Variants in RAPGEF1 observed in about 807,000 individuals in gnomAD.
RAPGEF1 encodes Rap guanine nucleotide exchange factor 1.
RAPGEF1 carries 33 observed loss-of-function variants against 143.3 expected under a neutral mutation model. That is an observed-to-expected ratio of 0.23 (90% confidence interval 0.17 to 0.31). The LOEUF is 0.31. RAPGEF1 is among the 10% of genes least tolerant of loss of function. The probability of loss-of-function intolerance (pLI) is 1.00; values close to 1 mark genes in which losing one functional copy is unlikely to be tolerated. For missense variants in RAPGEF1, 1,199 were observed against 1,645.4 expected (o/e 0.73, Z 4.69); for synonymous variants, 629 against 676.5 (o/e 0.93, Z 1.09).
intron 15 of RAPGEF1, 84 bp from the exon 16 acceptor site, chr9:131,598,394 C>A: frequency 8.7e-7 from 1 of 1,148,020 alleles, no homozygotes; most frequent in South Asian, 1.3e-5. Flanking sequence ...CCGGTGTGCA[C>A]GGCTCGAAAC....
chr9:131,739,727 G>A (rs1837633451), intron 1 of RAPGEF1, 43 bp downstream of exon 1: 3 of 1,089,168 alleles, frequency 2.8e-6, no homozygotes, highest in Non-Finnish European at 3.4e-6. Flanking sequence ...GAGCCCCAGG[G>A]CCGGGCCCGG....
intron 1 of RAPGEF1, among the ~76,000 whole-genome samples, chr9:131,657,435 G>A (rs1034593817): frequency 2.0e-5 from 3 of 152,238 alleles, no homozygotes; most frequent in Non-Finnish European, 2.9e-5. Context: ...TTGTATATGC[G>A]TCTCTTTAGT....
intron 1 of RAPGEF1, among the ~76,000 whole-genome samples, chr9:131,668,519 T>A (rs1201414801): frequency 6.6e-6 from 1 of 152,080 alleles, no homozygotes; most frequent in Non-Finnish European, 1.5e-5. Flanking sequence ...CACACGGTAG[T>A]CATGGACCTT....
chr9:131,587,720 G>C lies in RAPGEF1; in HGVS notation c.3233+16C>G. ...ACCATCCAGAGCAACAGGGCTTGGC[G>C]CTGGGCCTCTCTTACCAGTAGGACA... is the stretch of plus-strand genomic sequence containing the variant. On this transcript the variant is annotated intron_variant, in intron 22 of 26. Transcript: ENST00000683357. 1.9e-6 allele frequency: 3 copies of C among 1,609,534 alleles called. No individual in the cohort carries two copies. In the African/African-American group the frequency reaches 4.0e-5, roughly 21 times the overall value.
In RAPGEF1 at chr9:131,629,777, ACT is replaced by A. The variant is rs1293543460; in HGVS notation, c.740+457_740+458del. On this transcript the variant is annotated intron_variant, in intron 6 of 26. Coordinates refer to ENST00000683357, the MANE Select transcript of RAPGEF1 (RefSeq NM_001377935.1). Reference sequence around the variant, plus strand: ...CTGCACTCCAGCCTGAGCCACAGAGACTCTGTCTCAAAAACAAAAAAAAAAGC... The same window carrying A: ...CTGCACTCCAGCCTGAGCCACAGAGACTGTCTCAAAAACAAAAAAAAAAGC... Among the ~76,000 whole-genome samples, 12 of 151,166 alleles carry A rather than the reference ACT, an allele frequency of 7.9e-5. No homozygotes were observed. The South Asian group carries it at 1.5e-3, about 19-fold the overall frequency.
At chr9:131,698,968 C>G (rs1359923513) in intron 1 of RAPGEF1, among the ~76,000 whole-genome samples, 1 of 152,234 alleles carries the variant, frequency 6.6e-6, no homozygotes, top group Admixed American at 6.5e-5. Flanking sequence ...CAATGCACCA[C>G]AGCTGATAAT....
intron 1 of RAPGEF1, among the ~76,000 whole-genome samples, chr9:131,696,775 A>G (rs1834214261): frequency 6.6e-6 from 1 of 152,248 alleles, no homozygotes; most frequent in Non-Finnish European, 1.5e-5. Flanking sequence ...GAAATACTAC[A>G]AAGACGCATC....
At chr9:131,665,287 A>G (rs1830241799) in intron 1 of RAPGEF1, among the ~76,000 whole-genome samples, 1 of 151,964 alleles carries the variant, frequency 6.6e-6, no homozygotes. Flanking sequence ...AGGACATTTC[A>G]CCCTTCCAGC....
At chr9:131,589,828 T>G (rs1588230282) in intron 19 of RAPGEF1, 58 bp downstream of exon 19, 1 of 1,483,542 alleles carries the variant, frequency 6.7e-7, no homozygotes. Context: ...GAGAAGCAGG[T>G]GGAATGGAGC....
At chr9:131,623,257 T>A (rs1961792846) in intron 10 of RAPGEF1, among the ~76,000 whole-genome samples, 3 of 151,812 alleles carry the variant, frequency 2.0e-5, no homozygotes, top group Admixed American at 2.0e-4. Context: ...TGAGGCTAGT[T>A]CAACACCAGC....
At chr9:131,722,280 G>A (rs1836321301) in intron 1 of RAPGEF1, among the ~76,000 whole-genome samples, 1 of 152,116 alleles carries the variant, frequency 6.6e-6, no homozygotes, top group Non-Finnish European at 1.5e-5. Flanking sequence ...TCTTGGAGAG[G>A]GCCTTGATCT....
intron 6 of RAPGEF1, 68 bp downstream of exon 6, chr9:131,630,168 A>G: frequency 6.8e-7 from 1 of 1,476,964 alleles, no homozygotes; most frequent in Non-Finnish European, 9.4e-7. Context: ...ACCGGGCCCT[A>G]TCCTTGTCAA....
intron 15 of RAPGEF1, among the ~76,000 whole-genome samples, chr9:131,599,184 G>A (rs977163626): frequency 2.0e-5 from 3 of 151,358 alleles, no homozygotes; most frequent in Admixed American, 6.6e-5. Flanking sequence ...GAGTGCAGTG[G>A]TGCGATCTTG....
intron 1 of RAPGEF1, among the ~76,000 whole-genome samples, chr9:131,695,703 A>G (rs1834118547): frequency 6.6e-6 from 1 of 152,218 alleles, no homozygotes; most frequent in Non-Finnish European, 1.5e-5. Context: ...ATATGCAGCC[A>G]TCTGCTGAAT....
In RAPGEF1 at chr9:131,675,332, G is replaced by A. The variant is rs1196855833; in HGVS notation, c.62-24383C>T. ...TCAGGGAGGGCAAGAGCCAGGGGCTGGGCGAGGCTGTGGAGGAGGGCTCTG... is the reference window on the plus strand; with the variant it reads ...TCAGGGAGGGCAAGAGCCAGGGGCTAGGCGAGGCTGTGGAGGAGGGCTCTG... On this transcript the variant is annotated intron_variant, in intron 1 of 26. Coordinates refer to ENST00000683357, the MANE Select transcript of RAPGEF1 (RefSeq NM_001377935.1). This position sits in a 1 kb window ranked among gnomAD's most constrained non-coding sequence, Gnocchi z 4.6. Among the ~76,000 whole-genome samples the A allele has an allele frequency of 1.3e-5, 2 of 152,206 alleles. No individual in the cohort carries two copies. The highest frequency in any genetic ancestry group is 2.9e-5 in the Non-Finnish European group (2 of 68,042).
chr9:131,695,116 C>A (rs1162997804), intron 1 of RAPGEF1, among the ~76,000 whole-genome samples: 1 of 151,942 alleles, frequency 6.6e-6, no homozygotes, highest in East Asian at 1.9e-4. Context: ...ATATCTGTAA[C>A]CCAAGTGGCT....
intron 1 of RAPGEF1, among the ~76,000 whole-genome samples, chr9:131,693,355 T>C (rs899576987): frequency 2.6e-5 from 4 of 152,198 alleles, no homozygotes; most frequent in Non-Finnish European, 5.9e-5. Flanking sequence ...TCCTGCAATA[T>C]GCCCAATAGA....
intron 1 of RAPGEF1, among the ~76,000 whole-genome samples, chr9:131,688,498 T>C (rs1168726476): frequency 6.6e-6 from 1 of 152,244 alleles, no homozygotes; most frequent in African/African-American, 2.4e-5. Context: ...CCTACATTTC[T>C]GGCACTCAGC....
chr9:131,614,857 A>G (rs1399026294), intron 12 of RAPGEF1, among the ~76,000 whole-genome samples: 1 of 150,348 alleles, frequency 6.7e-6, no homozygotes, highest in East Asian at 1.9e-4. Context: ...TTTTAAACAG[A>G]TGACAGTTAT....
Sources: allele counts gnomAD v4.1 joint callset (sites outside exome capture counted in the v4.1 genomes callset), GRCh38; gene constraint gnomAD v4.1.1; non-coding constraint Gnocchi (gnomAD v3.1); transcripts MANE v1.5; gene names NCBI Gene and HGNC (gene_info 2026-07-23, HGNC 2026-07-21).